RNF169: variants seen among roughly 807,000 people sequenced by gnomAD.
The protein encoded by RNF169 is ring finger protein 169, also known as E3 ubiquitin-protein ligase RNF169.
In RNF169, 24 loss-of-function variants were observed where a neutral mutation model predicts 53.9. That is an observed-to-expected ratio of 0.45 (90% CI 0.32 to 0.63). The LOEUF is 0.63. Among genes scored for constraint, RNF169 ranks in the 20% least tolerant of loss-of-function variants. The pLI, the probability that RNF169 is intolerant of heterozygous loss-of-function variation, is 0.04. For synonymous variants in RNF169, 396 were observed against 363.5 expected (o/e 1.09, Z -1.02); for missense variants, 883 against 906.2 (o/e 0.97, Z 0.33).
intron 1 of RNF169, among the ~76,000 whole-genome samples, chr11:74,752,301 G>A (rs1042669692): frequency 6.8e-6 from 1 of 146,956 alleles, no homozygotes. Flanking sequence ...TCTCACTCCC[G>A]TCAAAGATTC....
chr11:74,791,594 T>C (rs1349674236), intron 2 of RNF169, among the ~76,000 whole-genome samples: 1 of 152,164 alleles, frequency 6.6e-6, no homozygotes, highest in Non-Finnish European at 1.5e-5. Flanking sequence ...TCACCATGAG[T>C]CTGCTCTCAC....
intron 1 of RNF169, among the ~76,000 whole-genome samples, chr11:74,786,491 G>T (rs1452141128): frequency 6.6e-6 from 1 of 151,912 alleles, no homozygotes; most frequent in Non-Finnish European, 1.5e-5. Flanking sequence ...TCGAACATTT[G>T]ACCTCAAGAG....
At chr11:74,772,613 C>T (rs1222741069) in intron 1 of RNF169, among the ~76,000 whole-genome samples, 1 of 151,730 alleles carries the variant, frequency 6.6e-6, no homozygotes, top group East Asian at 1.9e-4. Context: ...TATTTTTGAC[C>T]TTGAGTAGAG....
intron 2 of RNF169, among the ~76,000 whole-genome samples, chr11:74,792,705 T>C (rs1467842762): frequency 6.6e-6 from 1 of 152,034 alleles, no homozygotes. Context: ...CTGGCAAGAG[T>C]AGGGGTTTTT....
chr11:74,818,046 G>C (rs2035961385), intron 4 of RNF169, among the ~76,000 whole-genome samples: 2 of 152,236 alleles, frequency 1.3e-5, no homozygotes, highest in Admixed American at 6.5e-5. Flanking sequence ...TTAGTAGGAA[G>C]TGAGGGCAGA....
intron 2 of RNF169, among the ~76,000 whole-genome samples, chr11:74,809,608 C>T (rs545233990): frequency 4.3e-4 from 65 of 152,278 alleles, no homozygotes; most frequent in African/African-American, 1.5e-3. Flanking sequence ...TTGCTTGAGC[C>T]CTGGAGTTCA....
At chr11:74,796,089 G>A (rs867534325) in intron 2 of RNF169, among the ~76,000 whole-genome samples, 3 of 152,098 alleles carry the variant, frequency 2.0e-5, no homozygotes, top group Non-Finnish European at 2.9e-5. Context: ...TATGTTAATC[G>A]ACCATTTGTA....
intron 1 of RNF169, among the ~76,000 whole-genome samples, chr11:74,761,451 G>A (rs370782758): frequency 0.04 from 5,995 of 148,360 alleles, 124 homozygotes; most frequent in African/African-American, 0.059. Flanking sequence ...AGCTGGTACC[G>A]GTTGTTCCTT....
chr11:74,809,990 C>T (rs910391775), intron 2 of RNF169, among the ~76,000 whole-genome samples, 194 bp from the exon 3 acceptor site: 4 of 152,192 alleles, frequency 2.6e-5, no homozygotes, highest in Admixed American at 2.6e-4. Flanking sequence ...AAATCTTTAG[C>T]CCTGAAGAGT....
chr11:74,834,894 G>A (rs1485354106), intron 5 of RNF169, 119 bp downstream of exon 5: 2 of 611,548 alleles, frequency 3.3e-6, no homozygotes, highest in Non-Finnish European at 5.6e-6. Context: ...AGGCATACTA[G>A]TTATATTGGA....
chr11:74,772,821 T>C (rs1024051227), intron 1 of RNF169, among the ~76,000 whole-genome samples: 15 of 152,198 alleles, frequency 9.9e-5, no homozygotes, highest in Non-Finnish European at 5.9e-5. Flanking sequence ...TAATGAACCA[T>C]TTGTTTCAGT....
chr11:74,780,510 CT>C (rs1205834728), intron 1 of RNF169, among the ~76,000 whole-genome samples: 1 of 152,244 alleles, frequency 6.6e-6, no homozygotes, highest in Non-Finnish European at 1.5e-5. Flanking sequence ...GAAGCCTTGC[CT>C]TTAAGAATTC....
chr11:74,783,982 G>T (rs1032402490), intron 1 of RNF169, among the ~76,000 whole-genome samples: 2 of 152,114 alleles, frequency 1.3e-5, no homozygotes, highest in Admixed American at 6.5e-5. Flanking sequence ...ATGAGACTTT[G>T]ATTTAAAAGG....
rs376969768 is a variant in RNF169, at chr11:74,836,668, C to T, written c.2065C>T (p.Arg689Trp). 7.4e-6 allele frequency: 12 copies of T among 1,613,554 alleles called. No individual in the cohort carries two copies. The highest frequency in any genetic ancestry group is 4.4e-5 in the South Asian group (4 of 91,082). ...CGACAATGAGAGGCGGACTGTGAGC[C>T]GGCGAAAAGGAAGTGTGGATCAGTA... Reference protein sequence around the residue: ...MFDNERRTVSRRKGSVDQYLL... With the variant: ...MFDNERRTVSWRKGSVDQYLL... Residue 689 changes from arginine (R) to tryptophan (W), a missense_variant, in exon 6 of 6, where the codon CGG becomes TGG. By Grantham distance (101) the Arg-to-Trp change is moderately radical (BLOSUM62 -3). Transcript: ENST00000299563.
intron 4 of RNF169, among the ~76,000 whole-genome samples, chr11:74,826,828 G>T (rs962950240): frequency 1.3e-5 from 2 of 152,230 alleles, no homozygotes; most frequent in African/African-American, 4.8e-5. Context: ...TCACACTGGT[G>T]CAAGAGGTGG....
chr11:74,838,718 T>C lies in RNF169; in HGVS notation c.*1988T>C, dbSNP rs1591438225. On this transcript the variant is annotated 3_prime_UTR_variant, in exon 6 of 6. Coordinates refer to ENST00000299563, the MANE Select transcript of RNF169 (RefSeq NM_001098638.2). ...AGTTCTGGGCCCTACCAACAATTTA[T>C]GTCCTCCAAGAGCTGCTGGAGGGCA... 6.6e-6 allele frequency: 1 copy of C among 152,232 alleles called. No individual in the cohort carries two copies. Among genetic ancestry groups the C allele is most frequent in the South Asian group, 2.1e-4 (1 of 4,830 alleles). 9.4% of individuals were successfully genotyped at this position (152,232 alleles called of 1,614,324 possible).
Position 74,749,036 on chromosome 11 carries a change from G to T in RNF169, c.156G>T (p.Pro52=). The T allele has an allele frequency of 6.8e-7, 1 of 1,471,992 alleles. No individual in the cohort carries two copies. 91.2% of individuals were successfully genotyped at this position (1,471,992 alleles called of 1,614,324 possible). ...ASGPSLLVLS[P]PLLQPPLPPR... ...GACCTTCGCTGTTGGTGTTGTCGCC[G>T]CCGTTGCTGCAGCCGCCGCTGCCGC... The change falls in exon 1 of 6, where the codon CCG becomes CCT. Residue 52 remains proline, a synonymous_variant. Transcript: ENST00000299563.
intron 1 of RNF169, among the ~76,000 whole-genome samples, chr11:74,763,846 G>A (rs1462432006): frequency 6.6e-6 from 1 of 152,166 alleles, no homozygotes; most frequent in African/African-American, 2.4e-5. Flanking sequence ...CCTAGCAAGA[G>A]GTTTTTTGTT....
At chr11:74,752,985 T>C (rs139476144) in intron 1 of RNF169, among the ~76,000 whole-genome samples, 2 of 152,314 alleles carry the variant, frequency 1.3e-5, no homozygotes, top group Non-Finnish European at 2.9e-5. Flanking sequence ...AATTTATTTT[T>C]TGAGACAGAG....
Sources: gnomAD v4.1 joint callset for allele counts (sites outside exome capture counted in the v4.1 genomes callset) on GRCh38, gnomAD v4.1.1 for gene constraint, MANE v1.5 for transcripts, NCBI Gene and HGNC (gene_info 2026-07-23, HGNC 2026-07-21) for gene names.